The following MACF1 variants were observed in gnomAD, a reference collection of about 807,000 sequenced individuals.
MACF1 encodes microtubule actin crosslinking factor 1.
A neutral mutation model predicts 854.8 loss-of-function variants in MACF1; 193 were observed. That is an observed-to-expected ratio of 0.23 (90% CI 0.20 to 0.25). The LOEUF is 0.25. Ranked by LOEUF, MACF1 falls within the 10% of genes least tolerant of loss-of-function variation. MACF1 has a pLI of 1.00. For missense variants in MACF1, 7,722 were observed against 8,929.1 expected (o/e 0.86, Z 5.45); for synonymous variants, 3,185 against 3,226.7 (o/e 0.99, Z 0.44).
At chr1:39,407,540 T>C (rs1027458312) in intron 58 of MACF1, among the ~76,000 whole-genome samples, 2 of 152,210 alleles carry the variant, frequency 1.3e-5, no homozygotes, top group Non-Finnish European at 2.9e-5. Context: ...GGGCAGAGTC[T>C]TTTGGATTTG....
At chr1:39,179,856 A>G (rs866004552) in intron 2 of MACF1, among the ~76,000 whole-genome samples, 2 of 152,000 alleles carry the variant, frequency 1.3e-5, no homozygotes, top group African/African-American at 4.8e-5. Context: ...CTCTACTAAA[A>G]ATACAAAAAT....
chr1:39,217,550 A>G (rs1306832381), intron 1 of MACF1, among the ~76,000 whole-genome samples: 1 of 152,124 alleles, frequency 6.6e-6, no homozygotes. Flanking sequence ...TAAAATTACT[A>G]TTCAAACCTC....
chr1:39,447,347 C>A, intron 80 of MACF1, 85 bp from the exon 81 acceptor site: 1 of 1,275,336 alleles, frequency 7.8e-7, no homozygotes, highest in Non-Finnish European at 1.1e-6. Context: ...ATTTGTTGTA[C>A]AATTCATGCC....
rs144061805 is a variant in MACF1 at position 39,446,399 on chromosome 1, T to G, written c.19606-1033T>G. ...ATCTAGGAACTTGTAATATATTAAT[T>G]TCTAAACATTTCTATATATATTTGA... On this transcript the variant is annotated intron_variant, in intron 80 of 100. Coordinates refer to ENST00000564288, the MANE Select transcript of MACF1 (RefSeq NM_001394062.1). 7.6e-3 allele frequency among the ~76,000 whole-genome samples: 1,150 copies of G among 152,062 alleles called. 10 individuals are homozygous for G. The highest frequency in any genetic ancestry group is 0.017 in the Middle Eastern group (5 of 292).
chr1:39,112,817 A>G (rs1317304804), intron 2 of MACF1, among the ~76,000 whole-genome samples: 2 of 152,114 alleles, frequency 1.3e-5, no homozygotes, highest in East Asian at 3.9e-4. Context: ...AATGTTCTCA[A>G]ATACAACCCT....
intron 35 of MACF1, among the ~76,000 whole-genome samples, chr1:39,326,409 G>A (rs544616690): frequency 3.3e-5 from 5 of 152,232 alleles, no homozygotes; most frequent in South Asian, 2.1e-4. Context: ...GGCCAGGTGC[G>A]GTGGCTCACG....
chr1:39,135,853 A>G (rs750172471), intron 2 of MACF1, among the ~76,000 whole-genome samples: 10 of 152,228 alleles, frequency 6.6e-5, no homozygotes, highest in Admixed American at 3.9e-4. Context: ...TGCTCCTACT[A>G]TGAATGGGAT....
chr1:39,399,003 A>T (rs1405595640), intron 58 of MACF1, among the ~76,000 whole-genome samples: 1 of 152,220 alleles, frequency 6.6e-6, no homozygotes. Flanking sequence ...AGCTGGTGTG[A>T]TTGGATAGCT....
At chr1:39,126,482 T>A (rs1013227670) in intron 2 of MACF1, among the ~76,000 whole-genome samples, 3 of 152,194 alleles carry the variant, frequency 2.0e-5, no homozygotes, top group Non-Finnish European at 4.4e-5. Context: ...GGGGATACAA[T>A]TCATCCTATA....
At chr1:39,145,192 T>G (rs1178882310) in intron 2 of MACF1, among the ~76,000 whole-genome samples, 1 of 152,200 alleles carries the variant, frequency 6.6e-6, no homozygotes, top group Admixed American at 6.5e-5. Context: ...TGAAACCTTT[T>G]TATTCTCTTC....
chr1:39,262,380 T>A, intron 6 of MACF1, among the ~76,000 whole-genome samples: 1 of 104,930 alleles, frequency 9.5e-6, no homozygotes, highest in Non-Finnish European at 1.7e-5. Flanking sequence ...CAGCCTGGGC[T>A]ACACGAGACT....
rs1410983399 is a variant in MACF1 at position 39,164,248 on chromosome 1, A to G, written c.221-66934A>G. Among the ~76,000 whole-genome samples the G allele has an allele frequency of 7.2e-5, 11 of 152,194 alleles. No individual in the cohort carries two copies. The East Asian group carries it at 1.5e-3, about 21-fold the overall frequency. ...TTTTTTTTAAGGATGGATTTCCACAAGTGGAATCACTGGGTCTTAATACAT... is the reference window on the plus strand; with the variant it reads ...TTTTTTTTAAGGATGGATTTCCACAGGTGGAATCACTGGGTCTTAATACAT... On this transcript the variant is annotated intron_variant, in intron 2 of 93. Transcript: ENST00000361689.
At chr1:39,401,664 A>C (rs896278765) in intron 58 of MACF1, among the ~76,000 whole-genome samples, 1 of 152,260 alleles carries the variant, frequency 6.6e-6, no homozygotes, top group Non-Finnish European at 1.5e-5. Flanking sequence ...TAATTCAAAG[A>C]AATTATATGT....
At chr1:39,430,653 T>A (rs1260880028) in intron 65 of MACF1, 49 bp from the exon 66 acceptor site, 2 of 1,463,678 alleles carry the variant, frequency 1.4e-6, no homozygotes, top group Admixed American at 1.7e-5. Context: ...CAGTTGCTGA[T>A]GTGCTTTATT....
chr1:39,288,955 A>T (rs1645710751), intron 15 of MACF1, among the ~76,000 whole-genome samples: 1 of 152,050 alleles, frequency 6.6e-6, no homozygotes, highest in African/African-American at 2.4e-5. Context: ...GCCTGTTTTG[A>T]TTTATACATC....
Position 39,468,550 on chromosome 1 carries a change from T to G in MACF1, c.21772-65T>G, listed in dbSNP as rs1644715080. ...CATTCCTGTCTGAATACAGTCTGCT[T>G]TGGGAGAAAAACATAGATCTGCTTT... On this transcript the variant is annotated intron_variant, in intron 95 of 100. Transcript: ENST00000564288. The G allele has an allele frequency of 3.1e-6, 4 of 1,308,474 alleles. No homozygotes were observed. The African/African-American group carries it at 5.8e-5, about 19-fold the overall frequency. 81.1% of individuals were successfully genotyped at this position (1,308,474 alleles called of 1,614,324 possible).
intron 2 of MACF1, among the ~76,000 whole-genome samples, chr1:39,187,747 C>T (rs995203084): frequency 6.6e-6 from 1 of 152,056 alleles, no homozygotes; most frequent in Non-Finnish European, 1.5e-5. Context: ...AATGAGATCT[C>T]GCTATGTTGC....
At chr1:39,248,454 C>G (rs1255055064) in intron 2 of MACF1, among the ~76,000 whole-genome samples, 1 of 152,146 alleles carries the variant, frequency 6.6e-6, no homozygotes, top group Non-Finnish European at 1.5e-5. Flanking sequence ...GTCCTCCTGT[C>G]TCAGCCTCCC....
intron 89 of MACF1, chr1:39,457,541 C>A (rs922245561): frequency 1.3e-5 from 2 of 152,434 alleles, no homozygotes; most frequent in Admixed American, 1.3e-4. Context: ...ATGTCTCTTA[C>A]CTGGATCGAA....
Sources: gnomAD v4.1 joint callset for allele counts (sites outside exome capture counted in the v4.1 genomes callset) on GRCh38, gnomAD v4.1.1 for gene constraint, MANE v1.5 for transcripts, NCBI Gene and HGNC (gene_info 2026-07-23, HGNC 2026-07-21) for gene names.